The following IGSF11 variants were observed in gnomAD, a reference collection of about 807,000 sequenced individuals.
IGSF11 encodes the protein CXADR like 1.
Under a neutral mutation model 41.0 loss-of-function variants are expected in IGSF11, and 22 were observed. The ratio of observed to expected loss-of-function variants is 0.54; its 90% CI spans 0.38 to 0.77. IGSF11 has a LOEUF of 0.77. IGSF11 is among the 30% of genes least tolerant of loss of function. The pLI is 0.00. For synonymous variants in IGSF11, 219 were observed against 201.3 expected (o/e 1.09, Z -0.74); for missense variants, 444 against 530.8 (o/e 0.84, Z 1.61).
intron 1 of IGSF11, among the ~76,000 whole-genome samples, chr3:118,931,508 T>C (rs1017361430): frequency 6.6e-6 from 1 of 152,312 alleles, no homozygotes; most frequent in East Asian, 1.9e-4. Flanking sequence ...TCTTACAACA[T>C]GCACGAGCCT....
intron 1 of IGSF11, among the ~76,000 whole-genome samples, chr3:118,944,631 TA>T (rs770922423): frequency 2.6e-5 from 4 of 152,166 alleles, no homozygotes; most frequent in Non-Finnish European, 5.9e-5. Flanking sequence ...CACGACACTT[TA>T]AATTCTCTTA....
intron 1 of IGSF11, among the ~76,000 whole-genome samples, chr3:118,954,682 A>C (rs1944823486): frequency 6.6e-6 from 1 of 152,128 alleles, no homozygotes; most frequent in African/African-American, 2.4e-5. Context: ...TTGTGAATGA[A>C]AAGGATAAGT....
chr3:119,077,462 A>G (rs2076519859), intron 1 of IGSF11, among the ~76,000 whole-genome samples: 1 of 152,184 alleles, frequency 6.6e-6, no homozygotes, highest in African/African-American at 2.4e-5. Flanking sequence ...GTACAATTAT[A>G]TGTCAATTTA....
chr3:119,113,541 C>A (rs759457983), intron 1 of IGSF11, among the ~76,000 whole-genome samples: 1 of 152,224 alleles, frequency 6.6e-6, no homozygotes, highest in Admixed American at 6.5e-5. Flanking sequence ...CATGTTGATG[C>A]AACAGGTGGG....
chr3:118,975,051 A>C (rs1933916259), intron 1 of IGSF11, among the ~76,000 whole-genome samples: 1 of 152,142 alleles, frequency 6.6e-6, no homozygotes, highest in African/African-American at 2.4e-5. Context: ...TCCTTCCATG[A>C]CCAATATACA....
chr3:119,104,581 G>A (rs1374985357), intron 1 of IGSF11, among the ~76,000 whole-genome samples: 4 of 152,246 alleles, frequency 2.6e-5, no homozygotes, highest in Non-Finnish European at 4.4e-5. Flanking sequence ...AGCCAATGAA[G>A]TGAGTGGTAT....
chr3:119,052,306 T>A (rs1296367537), intron 1 of IGSF11, among the ~76,000 whole-genome samples: 1 of 151,964 alleles, frequency 6.6e-6, no homozygotes, highest in African/African-American at 2.4e-5. Context: ...ATGGTGAAAC[T>A]CTGTCTCTAC....
intron 1 of IGSF11, among the ~76,000 whole-genome samples, chr3:119,030,305 T>A (rs1006878207): frequency 3.9e-5 from 6 of 152,236 alleles, no homozygotes; most frequent in Non-Finnish European, 8.8e-5. Context: ...AATATGATTC[T>A]TTCTGTAATA....
intron 1 of IGSF11, among the ~76,000 whole-genome samples, chr3:118,966,887 G>A (rs1262588933): frequency 6.6e-6 from 1 of 152,058 alleles, no homozygotes; most frequent in African/African-American, 2.4e-5. Flanking sequence ...GACATCTTTG[G>A]AATGCACAGG....
chr3:119,085,544 A>G (rs964326727), intron 1 of IGSF11, among the ~76,000 whole-genome samples: 2 of 152,212 alleles, frequency 1.3e-5, no homozygotes, highest in African/African-American at 4.8e-5. Context: ...CCAATCTGAA[A>G]TGTCTGAAGT....
At chr3:119,009,545 C>T (rs1052329452) in intron 1 of IGSF11, among the ~76,000 whole-genome samples, 1 of 152,166 alleles carries the variant, frequency 6.6e-6, no homozygotes, top group Non-Finnish European at 1.5e-5. Context: ...ACTTGCTTTT[C>T]CCTCACCTTC....
rs927680820 is a variant in IGSF11, at chr3:119,071,912, T to C, written c.49+33232A>G. 2.6e-5 allele frequency among the ~76,000 whole-genome samples: 4 copies of C among 152,374 alleles called. No homozygotes were observed. The East Asian group carries it at 7.7e-4, about 29-fold the overall frequency. ...TTTGACAGGGATTGTGCTGAATCTC[T>C]AGGTTAATTTGGATTGTCATATTAA... On this transcript the variant is annotated intron_variant, in intron 1 of 6. Coordinates refer to the IGSF11 transcript ENST00000354673.
chr3:119,026,322 T>C (rs1043532910), intron 1 of IGSF11, among the ~76,000 whole-genome samples: 2 of 152,086 alleles, frequency 1.3e-5, no homozygotes, highest in Non-Finnish European at 2.9e-5. Context: ...TCTACAGCAA[T>C]TTCAAAAAAA....
chr3:119,021,001 AGTTT>A (rs1299281356), intron 1 of IGSF11, among the ~76,000 whole-genome samples: 2 of 152,204 alleles, frequency 1.3e-5, no homozygotes, highest in Non-Finnish European at 2.9e-5. Flanking sequence ...GGTTCTCAAC[AGTTT>A]GTTAGAAAAT....
upstream of IGSF11, among the ~76,000 whole-genome samples, chr3:119,106,444 A>G (rs1340124546): frequency 6.6e-6 from 1 of 152,100 alleles, no homozygotes; most frequent in Non-Finnish European, 1.5e-5. Flanking sequence ...AGCTCCCACA[A>G]ATAAGTAAGA....
chr3:118,958,167 T>TATTC (rs1945094658), intron 1 of IGSF11, among the ~76,000 whole-genome samples: 1 of 152,188 alleles, frequency 6.6e-6, no homozygotes, highest in African/African-American at 2.4e-5. Context: ...GTATAGTATT[T>TATTC]CAGAGGAGGT....
chr3:119,028,638 A>G (rs1260363678), intron 1 of IGSF11, among the ~76,000 whole-genome samples: 1 of 152,150 alleles, frequency 6.6e-6, no homozygotes, highest in Non-Finnish European at 1.5e-5. Flanking sequence ...TAAGCTAAAA[A>G]TCAATTTCAA....
rs1421371837 is a variant in IGSF11, at chr3:118,905,645, A to C, written c.654T>G (p.Ser218=). Residue 218 remains serine, a synonymous_variant, in exon 5 of 7, where the codon TCT becomes TCG. Transcript: ENST00000393775. The part of the protein sequence containing the change: ...LSSGLYQCVA[S]NAIGTSTCLL... ...GACAGGTGCTGGTTCCAATAGCATTAGAAGCCACGCACTGGTACAAACCTG... is the reference window on the plus strand; with the variant it reads ...GACAGGTGCTGGTTCCAATAGCATTCGAAGCCACGCACTGGTACAAACCTG... 1.2e-6 allele frequency: 2 copies of C among 1,613,764 alleles called. No homozygotes were observed. Among genetic ancestry groups the C allele is most frequent in the Non-Finnish European group, 1.7e-6 (2 of 1,179,792 alleles).
chr3:119,076,249 C>G (rs1023044755), intron 1 of IGSF11, among the ~76,000 whole-genome samples: 7 of 152,302 alleles, frequency 4.6e-5, no homozygotes, highest in African/African-American at 1.2e-4. Flanking sequence ...ACACCTTATA[C>G]AAACATTAAT....
Sources: gnomAD v4.1 joint callset for allele counts (sites outside exome capture counted in the v4.1 genomes callset) on GRCh38, gnomAD v4.1.1 for gene constraint, MANE v1.5 for transcripts, NCBI Gene and HGNC (gene_info 2026-07-23, HGNC 2026-07-21) for gene names.